Variants in IGDCC4 observed in about 807,000 individuals in gnomAD.
IGDCC4 encodes the protein likely ortholog of mouse neighbor of Punc E11.
Under a neutral mutation model 116.6 loss-of-function variants are expected in IGDCC4, and 72 were observed. That is an observed-to-expected ratio of 0.62 (90% CI 0.51 to 0.75). The LOEUF is 0.75. Ranked by LOEUF, IGDCC4 falls within the 30% of genes least tolerant of loss-of-function variation. The pLI is 0.00. For missense variants in IGDCC4, 1,501 were observed against 1,662.4 expected (o/e 0.90, Z 1.69); for synonymous variants, 709 against 719.9 (o/e 0.98, Z 0.24).
In IGDCC4 at chr15:65,388,791, G is replaced by A; in HGVS notation, c.2707+17C>T. The A allele has an allele frequency of 6.2e-7, 1 of 1,613,800 alleles. No homozygotes were observed. Among genetic ancestry groups the A allele is most frequent in the Non-Finnish European group, 8.5e-7 (1 of 1,179,968 alleles). Reference sequence around the variant, plus strand: ...TGGGAAGCTCTTGAGCAGATGCCCTGGGGCAGGAGCCCTCACCCTGCGTGG... The same window carrying A: ...TGGGAAGCTCTTGAGCAGATGCCCTAGGGCAGGAGCCCTCACCCTGCGTGG... On this transcript the variant is annotated intron_variant, in intron 15 of 19. Coordinates refer to ENST00000352385, the MANE Select transcript of IGDCC4 (RefSeq NM_020962.3).
chr15:65,387,570 C>A (rs2140191195), intron 16 of IGDCC4, among the ~76,000 whole-genome samples: 1 of 152,204 alleles, frequency 6.6e-6, no homozygotes, highest in East Asian at 1.9e-4. Context: ...CCAGGATGGT[C>A]TCGATCTCCT....
chr15:65,390,430 TGAC>T, intron 12 of IGDCC4, 92 bp from the exon 13 acceptor site: 1 of 1,056,322 alleles, frequency 9.5e-7, no homozygotes, highest in South Asian at 2.6e-5. Flanking sequence ...GCTGTTTCTT[TGAC>T]CCACTCCTTT....
chr15:65,389,095 G>A (rs2091489053), intron 14 of IGDCC4, 117 bp from the exon 15 acceptor site: 1 of 1,085,838 alleles, frequency 9.2e-7, no homozygotes, highest in South Asian at 1.6e-5. Context: ...ATGAGGTCTG[G>A]TTTCTAGTTG....
intron 2 of IGDCC4, 89 bp downstream of exon 2, chr15:65,410,931 A>G: frequency 1.9e-6 from 2 of 1,038,948 alleles, no homozygotes; most frequent in Non-Finnish European, 2.8e-6. Context: ...AGAGAGAGGC[A>G]TTTGTGCAAG....
intron 16 of IGDCC4, among the ~76,000 whole-genome samples, chr15:65,387,628 C>T (rs1777488251): frequency 1.3e-5 from 2 of 151,712 alleles, no homozygotes; most frequent in African/African-American, 4.8e-5. Context: ...GCTGGGATTA[C>T]AGGCATAAGC....
At chr15:65,402,723 C>T (rs373125459) in intron 3 of IGDCC4, among the ~76,000 whole-genome samples, 432 of 152,184 alleles carry the variant, frequency 2.8e-3, no homozygotes, top group African/African-American at 0.01. Context: ...CAAAATTAGC[C>T]GGGCGTAGTG....
intron 12 of IGDCC4, 77 bp from the exon 13 acceptor site, chr15:65,390,415 C>T: frequency 8.1e-7 from 1 of 1,238,064 alleles, no homozygotes; most frequent in South Asian, 2.2e-5. Flanking sequence ...TTTACAGTTC[C>T]CAAGGCTGTT....
At chr15:65,410,913 T>G (rs1595792395) in intron 2 of IGDCC4, 107 bp downstream of exon 2, 6 of 816,214 alleles carry the variant, frequency 7.4e-6, no homozygotes, top group Non-Finnish European at 1.1e-5. Flanking sequence ...AAAGGGGGAG[T>G]GGGATCAAGA....
At position 65,402,293 on chromosome 15, in the gene IGDCC4, C is replaced by T. The variant is rs546183961; in HGVS notation, c.700+58G>A. ...CTGGACCCCTTGAGGTCCCTCCCAGCTCTGAGGTGGCTGGTTCCAGAAACC... is the reference window on the plus strand; with the variant it reads ...CTGGACCCCTTGAGGTCCCTCCCAGTTCTGAGGTGGCTGGTTCCAGAAACC... On this transcript the variant is annotated intron_variant, in intron 4 of 19. Transcript: ENST00000352385. 1.3e-4 allele frequency: 200 copies of T among 1,541,848 alleles called. No individual in the cohort carries two copies. The African/African-American group carries it at 2.5e-3, about 20-fold the overall frequency.
chr15:65,395,863 G>T lies in IGDCC4; in HGVS notation c.1298C>A (p.Thr433Lys). Residue 433 changes from threonine (T) to lysine (K), a missense_variant, in exon 7 of 20, where the codon ACG becomes AAG. Around this residue, in one of 3 missense-constraint regions of IGDCC4, gnomAD observed 898 missense variants for 978.9 expected, o/e 0.92. Transcript: ENST00000352385. Reference sequence around the variant, plus strand: ...GCTCAGTGGCGTAGCAGTGACCCGCGTGGGGGCGCTGGGCAGCCCCTCGCG... The same window carrying T: ...GCTCAGTGGCGTAGCAGTGACCCGCTTGGGGGCGCTGGGCAGCCCCTCGCG... The part of the protein sequence containing the change: ...VVREGLPSAP[T>K]RVTATPLSSS... The T allele has an allele frequency of 6.3e-7, 1 of 1,580,320 alleles. No individual in the cohort carries two copies. The highest frequency in any genetic ancestry group is 8.5e-7 in the Non-Finnish European group (1 of 1,170,350).
chr15:65,421,366 A>T (rs1595798876), intron 1 of IGDCC4, among the ~76,000 whole-genome samples: 1 of 151,832 alleles, frequency 6.6e-6, no homozygotes, highest in East Asian at 1.9e-4. Flanking sequence ...GGGAAGACAG[A>T]CCTCTCTCTG....
At chr15:65,392,109 TC>T in intron 11 of IGDCC4, 24 bp downstream of exon 11, 1 of 1,136,524 alleles carries the variant, frequency 8.8e-7, no homozygotes, top group Non-Finnish European at 1.3e-6. Context: ...CATCCCTCCC[TC>T]CCCCTCCCCC....
intron 6 of IGDCC4, chr15:65,396,475 C>T: frequency 1.7e-6 from 1 of 583,888 alleles, no homozygotes; most frequent in Non-Finnish European, 3.1e-6. Context: ...TCTCCTTCCT[C>T]CCTGCCCTCC....
intron 4 of IGDCC4, 45 bp downstream of exon 4, chr15:65,402,306 G>A: frequency 1.3e-6 from 2 of 1,548,066 alleles, no homozygotes; most frequent in Non-Finnish European, 8.7e-7. Context: ...TGAGGTGGCT[G>A]GTTCCAGAAA....
At chr15:65,409,402 C>G (rs1167306798) in intron 3 of IGDCC4, among the ~76,000 whole-genome samples, 1 of 152,134 alleles carries the variant, frequency 6.6e-6, no homozygotes, top group Non-Finnish European at 1.5e-5. Context: ...GAGAGGACTG[C>G]AGGGTGGCTG....
In IGDCC4 at chr15:65,422,779, G is replaced by A. The variant is rs763691531; in HGVS notation, c.70+14C>T. On this transcript the variant is annotated intron_variant, in intron 1 of 19. Coordinates refer to ENST00000352385, the MANE Select transcript of IGDCC4 (RefSeq NM_020962.3). ...TCCGCAGTCGCTCCTGCCTCTCCGGGCGCCCGCCCTTACCGCGCGCGGCCA... is the reference window on the plus strand; with the variant it reads ...TCCGCAGTCGCTCCTGCCTCTCCGGACGCCCGCCCTTACCGCGCGCGGCCA... 5 of 1,330,594 alleles carry A rather than the reference G, an allele frequency of 3.8e-6. No homozygotes were observed. The highest frequency in any genetic ancestry group is 4.8e-6 in the Non-Finnish European group (5 of 1,040,890). 82.4% of individuals were successfully genotyped at this position (1,330,594 alleles called of 1,614,324 possible).
Position 65,395,246 on chromosome 15 carries a change from A to G in IGDCC4, c.1424T>C (p.Val475Ala), listed in dbSNP as rs2062911827. 1.2e-5 allele frequency: 20 copies of G among 1,612,914 alleles called. No homozygotes were observed. Among genetic ancestry groups the G allele is most frequent in the Non-Finnish European group, 1.6e-5 (19 of 1,179,200 alleles). ...HYQKARGMDN[V>A]EYQFAVNNDT... is the part of the protein sequence containing the mutation. ...GTTGTTCACTGCAAACTGGTATTCC[A>G]CATTGTCCATGCCTGGTGACACGGG... The change falls in exon 8 of 20, where the codon GTG becomes GCG. Residue 475 changes from valine to alanine, a missense_variant. By Grantham distance (64) the Val-to-Ala change is moderately conservative. Transcript: ENST00000352385.
In IGDCC4 at chr15:65,411,172, T is replaced by C. The variant is rs371045595; in HGVS notation, c.269A>G (p.Asn90Ser). The change falls in exon 2 of 20, where the codon AAT (asparagine) becomes AGT (serine). Residue 90 changes from asparagine (N) to serine (S), a missense_variant. Asn to Ser is a conservative substitution (Grantham distance 46). Transcript: ENST00000352385. The stretch of plus-strand genomic sequence containing the variant: ...TGGCTGGGACAGCCACAGGGAACCA[T>C]TGGGCAGCAGGTGTAAGTGGTCGTG... ...LEHDHLHLLP[N>S]GSLWLSQPLA... 12 of 1,614,034 alleles carry C rather than the reference T, an allele frequency of 7.4e-6. No homozygotes were observed. The highest frequency in any genetic ancestry group is 4.0e-5 in the African/African-American group (3 of 74,920).
chr15:65,410,129 G>A, intron 3 of IGDCC4, 49 bp downstream of exon 3: 1 of 1,604,362 alleles, frequency 6.2e-7, no homozygotes, highest in African/African-American at 1.3e-5. Flanking sequence ...ACACCCCAGA[G>A]CCCTCTCTGC....
Sources: gnomAD v4.1 joint callset for allele counts (sites outside exome capture counted in the v4.1 genomes callset) on GRCh38, gnomAD v4.1.1 for gene constraint, gnomAD v4.1.1 regional missense constraint, MANE v1.5 for transcripts, NCBI Gene and HGNC (gene_info 2026-07-23, HGNC 2026-07-21) for gene names.